The following HUWE1 variants were observed in gnomAD, a reference collection of about 807,000 sequenced individuals.
HUWE1 encodes the protein E3 ubiquitin-protein ligase HUWE1.
Under a neutral mutation model 299.4 loss-of-function variants are expected in HUWE1, and 18 were observed. The ratio of observed to expected loss-of-function variants is 0.06; its 90% CI spans 0.04 to 0.09. The LOEUF is 0.09. Ranked by LOEUF, HUWE1 falls within the 10% of genes least tolerant of loss-of-function variation. The pLI, the probability that HUWE1 is intolerant of heterozygous loss-of-function variation, is 1.00. For missense variants in HUWE1, 1,832 were observed against 3,462.3 expected (o/e 0.53, Z 11.82); for synonymous variants, 1,317 against 1,286.1 (o/e 1.02, Z -0.51).
intron 59 of HUWE1, 59 bp downstream of exon 59, chrX:53,558,596 C>G (rs2062143166): frequency 8.8e-7 from 1 of 1,134,809 alleles, no homozygotes; most frequent in African/African-American, 1.8e-5. Flanking sequence ...ATGTGTATGC[C>G]AAAACCACAT....
intron 52 of HUWE1, among the ~76,000 whole-genome samples, chrX:53,563,430 AAAGGCAGC>A (rs2062383899): frequency 9.0e-6 from 1 of 111,085 alleles, no homozygotes; most frequent in Admixed American, 9.6e-5. Flanking sequence ...TGAAGAACTG[AAAGGCAGC>A]GCTTTCTCAC....
Position 53,568,849 on chromosome X carries a change from T to C in HUWE1, c.6550A>G (p.Ser2184Gly). Reference protein sequence around the residue: ...ARLQAVMCIISTIMESCPSTS... With the variant: ...ARLQAVMCIIGTIMESCPSTS... Reference sequence around the variant, plus strand: ...GAGGGGCAGGACTCCATGATAGTACTGATGATACACATCACTGCCTGAAGC... The same window carrying C: ...GAGGGGCAGGACTCCATGATAGTACCGATGATACACATCACTGCCTGAAGC... The change falls in exon 49 of 84, where the codon AGT becomes GGT. Residue 2184 changes from serine to glycine, a missense_variant. Coordinates refer to ENST00000262854, the MANE Select transcript of HUWE1 (RefSeq NM_031407.7). 1 of 1,205,256 alleles carries C rather than the reference T, an allele frequency of 8.3e-7. No homozygotes were observed. The highest frequency in any genetic ancestry group is 1.1e-6 in the Non-Finnish European group (1 of 891,688).
At chrX:53,624,804 T>C (rs1557015588) in intron 18 of HUWE1, 129 bp from the exon 19 acceptor site, 2 of 519,985 alleles carry the variant, frequency 3.8e-6, no homozygotes, top group African/African-American at 2.3e-5. Context: ...TCTAATCTAA[T>C]GGCCCCCAGT....
At chrX:53,677,301 C>T (rs1249228378) in intron 3 of HUWE1, among the ~76,000 whole-genome samples, 1 of 110,529 alleles carries the variant, frequency 9.0e-6, no homozygotes. Context: ...TTCTGATGTT[C>T]CCTAAAGTTT....
intron 8 of HUWE1, among the ~76,000 whole-genome samples, chrX:53,633,148 G>A (rs1292879195): frequency 8.9e-6 from 1 of 111,995 alleles, no homozygotes; most frequent in Non-Finnish European, 1.9e-5. Flanking sequence ...ACCAGACCCT[G>A]ACAAAACATT....
chrX:53,674,981 T>A (rs1457124455), intron 3 of HUWE1, among the ~76,000 whole-genome samples: 12 of 111,931 alleles, frequency 1.1e-4, no homozygotes, highest in Non-Finnish European at 2.3e-4. Context: ...AAATACATCA[T>A]CTCGCTTTAA....
At chrX:53,537,725 G>A in intron 77 of HUWE1, 29 bp from the exon 78 acceptor site, 2 of 1,197,518 alleles carry the variant, frequency 1.7e-6, no homozygotes, top group South Asian at 1.8e-5. Flanking sequence ...AAGGAAGATA[G>A]GATTAAGGGT....
At chrX:53,678,934 A>G (rs1231772004) in intron 3 of HUWE1, among the ~76,000 whole-genome samples, 1 of 112,018 alleles carries the variant, frequency 8.9e-6, no homozygotes, top group East Asian at 2.8e-4. Flanking sequence ...TCAGGTATCA[A>G]ATCAGACTTT....
At chrX:53,617,281 G>T in intron 20 of HUWE1, 59 bp downstream of exon 20, 1 of 983,441 alleles carries the variant, frequency 1.0e-6, no homozygotes, top group Non-Finnish European at 1.4e-6. Context: ...ACTACACACA[G>T]AAGAGATAGG....
In HUWE1 at chrX:53,592,439, A is replaced by G. The variant is rs1348518337; in HGVS notation, c.3931T>C (p.Ser1311Pro). ...EEDTGQEEGG[S>P]RREPQVNQQQ... ...TGGTTGACTTGAGGTTCCCGGCGGG[A>G]GCCACCTTCCTCTTGCCCTGTATCC... Residue 1311 changes from serine to proline, a missense_variant, in exon 33 of 84, where the codon TCC becomes CCC. By Grantham distance (74) the Ser-to-Pro change is moderately conservative. Transcript: ENST00000262854. The G allele has an allele frequency of 2.5e-6, 3 of 1,207,774 alleles. No homozygotes were observed. The highest frequency in any genetic ancestry group is 3.5e-5 in the African/African-American group (2 of 56,577).
At chrX:53,685,202 A>T (rs1224069266) in intron 2 of HUWE1, among the ~76,000 whole-genome samples, 1 of 111,512 alleles carries the variant, frequency 9.0e-6, no homozygotes, top group African/African-American at 3.2e-5. Context: ...GTTTTAAAAT[A>T]TTTTTTTTCA....
intron 51 of HUWE1, among the ~76,000 whole-genome samples, chrX:53,564,285 G>A (rs1003910019): frequency 8.9e-6 from 1 of 111,803 alleles, no homozygotes; most frequent in East Asian, 2.8e-4. Context: ...AAGACCCGGG[G>A]CCCAACGGTC....
intron 17 of HUWE1, among the ~76,000 whole-genome samples, chrX:53,626,509 T>C (rs918880684): frequency 1.8e-5 from 2 of 111,659 alleles, no homozygotes; most frequent in Admixed American, 9.5e-5. Context: ...TATGATCTCA[T>C]CTTCCCATTC....
intron 60 of HUWE1, chrX:53,556,201 G>C (rs192240530): frequency 1.5e-5 from 5 of 341,634 alleles, no homozygotes; most frequent in African/African-American, 1.3e-4. Context: ...TCTGATGGAG[G>C]CAACACTGCT....
At chrX:53,654,208 T>C in intron 3 of HUWE1, 77 bp from the exon 4 acceptor site, 1 of 633,829 alleles carries the variant, frequency 1.6e-6, no homozygotes, top group Non-Finnish European at 2.6e-6. Context: ...ACACAGACAA[T>C]ACAGAATGAA....
At chrX:53,537,372 C>A in intron 78 of HUWE1, 184 bp downstream of exon 78, 1 of 503,288 alleles carries the variant, frequency 2.0e-6, no homozygotes, top group Non-Finnish European at 3.4e-6. Context: ...AAAGGGCCAG[C>A]CAGCAGGGCA....
chrX:53,577,172 G>C (rs1660383763), intron 43 of HUWE1, 105 bp from the exon 44 acceptor site: 1 of 589,498 alleles, frequency 1.7e-6, no homozygotes, highest in African/African-American at 2.3e-5. Context: ...GAAGGCTTGA[G>C]ATAGGAGACC....
rs1913998622 is a variant in HUWE1, at chrX:53,568,781, G to A, written c.6618C>T (p.His2206=). 8.3e-7 allele frequency: 1 copy of A among 1,210,309 alleles called. No individual in the cohort carries two copies. The highest frequency in any genetic ancestry group is 1.1e-6 in the Non-Finnish European group (1 of 894,374). The change falls in exon 49 of 84, where the codon CAC becomes CAT. Residue 2206 remains histidine (H), a synonymous_variant. Coordinates refer to ENST00000262854, the MANE Select transcript of HUWE1 (RefSeq NM_031407.7). The part of the protein sequence containing the change: ...FYSSATAKTQ[H]NGMNNIIRLF... ...GCCGAATGATGTTGTTCATGCCATT[G>A]TGCTGGGTCTTCGCTGTGGCACTGC...
At chrX:53,614,847 CCAAA>C in intron 22 of HUWE1, 102 bp from the exon 23 acceptor site, 4 of 553,423 alleles carry the variant, frequency 7.2e-6, no homozygotes, top group East Asian at 3.6e-5. Context: ...GTGTATTTGC[CCAAA>C]CACTTTGTAT....
Sources: allele counts gnomAD v4.1 joint callset (sites outside exome capture counted in the v4.1 genomes callset), GRCh38; gene constraint gnomAD v4.1.1; transcripts MANE v1.5; gene names NCBI Gene and HGNC (gene_info 2026-07-23, HGNC 2026-07-21).